The following DLGAP1 variants were observed in gnomAD, a reference collection of about 807,000 sequenced individuals.
The protein encoded by DLGAP1 is DLG associated protein 1, also known as disks large-associated protein 1.
A neutral mutation model predicts 90.8 loss-of-function variants in DLGAP1; 11 were observed. That is an observed-to-expected ratio of 0.12 (90% CI 0.08 to 0.20). DLGAP1 has a LOEUF of 0.20. Ranked by LOEUF, DLGAP1 falls within the 10% of genes least tolerant of loss-of-function variation. The pLI is 1.00. For synonymous variants in DLGAP1, 558 were observed against 540.7 expected (o/e 1.03, Z -0.44); for missense variants, 1,050 against 1,333.8 (o/e 0.79, Z 3.31).
At chr18:4,240,435 T>A (rs920674017) in intron 1 of DLGAP1, among the ~76,000 whole-genome samples, 1 of 152,088 alleles carries the variant, frequency 6.6e-6, no homozygotes, top group Admixed American at 6.6e-5. Flanking sequence ...GAAGATGACA[T>A]AGATTCCTAA....
intron 2 of DLGAP1, among the ~76,000 whole-genome samples, chr18:4,035,782 C>T (rs1405578563): frequency 3.9e-5 from 6 of 152,248 alleles, no homozygotes; most frequent in African/African-American, 1.4e-4. Flanking sequence ...GCTTAATCAC[C>T]AAGGGATCAC....
At chr18:3,675,754 A>G (rs527790823) in intron 7 of DLGAP1, among the ~76,000 whole-genome samples, 1 of 152,156 alleles carries the variant, frequency 6.6e-6, no homozygotes, top group Non-Finnish European at 1.5e-5. Flanking sequence ...GTGCTGGTAA[A>G]TGTTTAACAA....
At chr18:4,204,877 A>T (rs1021183823) in intron 1 of DLGAP1, among the ~76,000 whole-genome samples, 97 of 147,154 alleles carry the variant, frequency 6.6e-4, no homozygotes, top group Non-Finnish European at 1.3e-3. Context: ...CCTTTTCCCA[A>T]TTTTTTTTTT....
intron 11 of DLGAP1, among the ~76,000 whole-genome samples, chr18:3,503,244 T>C (rs1270475717): frequency 6.6e-6 from 1 of 152,232 alleles, no homozygotes; most frequent in Non-Finnish European, 1.5e-5. Context: ...CAAAATCATT[T>C]GAAAATTCAT....
intron 7 of DLGAP1, among the ~76,000 whole-genome samples, chr18:3,703,143 G>C (rs940358435): frequency 6.6e-6 from 1 of 152,182 alleles, no homozygotes; most frequent in African/African-American, 2.4e-5. Flanking sequence ...GATGGCACTA[G>C]AGGTCCTGAA....
intron 8 of DLGAP1, among the ~76,000 whole-genome samples, chr18:3,573,108 A>C (rs1404668373): frequency 6.6e-6 from 1 of 152,108 alleles, no homozygotes; most frequent in African/African-American, 2.4e-5. Context: ...TTTGGTAAGA[A>C]TTTTTACATG....
chr18:3,901,110 C>G (rs1353381470), intron 3 of DLGAP1, among the ~76,000 whole-genome samples: 3 of 152,110 alleles, frequency 2.0e-5, no homozygotes, highest in Non-Finnish European at 4.4e-5. Flanking sequence ...TCCCTCAAAC[C>G]TGGGCTGCAA....
At chr18:3,833,338 A>G (rs1240973831) in intron 4 of DLGAP1, among the ~76,000 whole-genome samples, 1 of 151,696 alleles carries the variant, frequency 6.6e-6, no homozygotes, top group African/African-American at 2.4e-5. Flanking sequence ...GGCTCAAGCA[A>G]TCCTTCCACT....
At position 3,886,409 on chromosome 18, in the gene DLGAP1, T is replaced by G. The variant is rs565578792; in HGVS notation, c.-72-6269A>C. Among the ~76,000 whole-genome samples the G allele has an allele frequency of 3.3e-5, 5 of 152,350 alleles. No homozygotes were observed. In the East Asian group the frequency reaches 7.7e-4, roughly 23 times the overall value. ...ATCCATCACGTCAAATATTTATCCT[T>G]TTTGTTACAAACAATGCAATTATAC... On this transcript the variant is annotated intron_variant, in intron 3 of 12. Coordinates refer to ENST00000315677, the MANE Select transcript of DLGAP1 (RefSeq NM_004746.4).
intron 2 of DLGAP1, among the ~76,000 whole-genome samples, chr18:4,113,464 T>C (rs548391139): frequency 6.6e-6 from 1 of 152,180 alleles, no homozygotes; most frequent in South Asian, 2.1e-4. Flanking sequence ...GGGTTATTAT[T>C]ATTATTTTCT....
chr18:3,550,720 T>C (rs1411199489), intron 9 of DLGAP1, among the ~76,000 whole-genome samples: 2 of 144,730 alleles, frequency 1.4e-5, no homozygotes, highest in African/African-American at 2.6e-5. Context: ...GACATCTTGA[T>C]CCAGAACCAG....
At chr18:3,604,579 T>G (rs572211666) in intron 7 of DLGAP1, among the ~76,000 whole-genome samples, 8 of 152,052 alleles carry the variant, frequency 5.3e-5, no homozygotes, top group Admixed American at 2.6e-4. Context: ...CTGCCCCGAG[T>G]TCAAGCCAAA....
chr18:3,629,887 T>A (rs2058461747), intron 7 of DLGAP1, among the ~76,000 whole-genome samples: 2 of 152,276 alleles, frequency 1.3e-5, no homozygotes, highest in South Asian at 2.1e-4. Context: ...GCAATCTTTT[T>A]AAAAATTTTC....
intron 3 of DLGAP1, among the ~76,000 whole-genome samples, chr18:4,000,936 G>C (rs931740612): frequency 6.6e-6 from 1 of 152,016 alleles, no homozygotes; most frequent in Admixed American, 6.6e-5. Flanking sequence ...TCAAATGTTG[G>C]GCAAGTGTAT....
At chr18:4,134,638 C>T (rs2076370745) in intron 2 of DLGAP1, among the ~76,000 whole-genome samples, 1 of 152,062 alleles carries the variant, frequency 6.6e-6, no homozygotes, top group Non-Finnish European at 1.5e-5. Context: ...AATGTTTTCT[C>T]ATGTGTAACA....
chr18:3,600,658 A>C, intron 7 of DLGAP1, among the ~76,000 whole-genome samples: 1 of 146,586 alleles, frequency 6.8e-6, no homozygotes, highest in East Asian at 2.0e-4. Context: ...AGATATAGAT[A>C]TCTATAGAGA....
At chr18:3,885,443 C>T (rs1214984717) in intron 3 of DLGAP1, 2 of 152,192 alleles carry the variant, frequency 1.3e-5, no homozygotes, top group Non-Finnish European at 2.9e-5. Flanking sequence ...GTATGCACTT[C>T]ATGACCTAGC....
chr18:4,427,594 T>C (rs563740769), intron 1 of DLGAP1, among the ~76,000 whole-genome samples: 4 of 152,120 alleles, frequency 2.6e-5, no homozygotes, highest in African/African-American at 9.7e-5. Flanking sequence ...TCAAAGATAG[T>C]AGAACGCACT....
At chr18:3,521,910 C>T (rs1339646186) in intron 10 of DLGAP1, among the ~76,000 whole-genome samples, 1 of 152,158 alleles carries the variant, frequency 6.6e-6, no homozygotes, top group Non-Finnish European at 1.5e-5. Context: ...TTTATCATGT[C>T]TAGCACCACT....
Sources: allele counts gnomAD v4.1 joint callset (sites outside exome capture counted in the v4.1 genomes callset), GRCh38; gene constraint gnomAD v4.1.1; transcripts MANE v1.5; gene names NCBI Gene and HGNC (gene_info 2026-07-23, HGNC 2026-07-21).